ADCY8: variants seen among roughly 807,000 people sequenced by gnomAD.
ADCY8 encodes adenylate cyclase type 8.
In ADCY8, 51 loss-of-function variants were observed where a neutral mutation model predicts 119.7. That is an observed-to-expected ratio of 0.43 (90% CI 0.34 to 0.54). The LOEUF (loss-of-function observed/expected upper bound fraction) is 0.54, where lower values mean the gene tolerates loss of function less well. Ranked by LOEUF, ADCY8 falls within the 20% of genes least tolerant of loss-of-function variation. ADCY8 has a pLI of 0.03. For synonymous variants in ADCY8, 665 were observed against 651.0 expected (o/e 1.02, Z -0.33); for missense variants, 1,383 against 1,598.8 (o/e 0.87, Z 2.30).
At chr8:130,894,960 G>T (rs1377178817) in intron 7 of ADCY8, among the ~76,000 whole-genome samples, 2 of 152,096 alleles carry the variant, frequency 1.3e-5, no homozygotes, top group Non-Finnish European at 2.9e-5. Context: ...GTTATACTTG[G>T]TGGCAAAGAG....
At chr8:131,035,481 T>C (rs910071549) in intron 1 of ADCY8, among the ~76,000 whole-genome samples, 2 of 152,154 alleles carry the variant, frequency 1.3e-5, no homozygotes, top group Non-Finnish European at 2.9e-5. Context: ...TGGCAGGGAA[T>C]TTCCTGAGTG....
chr8:130,978,645 GA>G (rs1822145288), intron 2 of ADCY8, among the ~76,000 whole-genome samples: 1 of 152,122 alleles, frequency 6.6e-6, no homozygotes, highest in East Asian at 1.9e-4. Flanking sequence ...ATGAAGACAT[GA>G]CATATATAAC....
At chr8:130,933,538 C>T (rs1197620654) in intron 5 of ADCY8, among the ~76,000 whole-genome samples, 2 of 152,164 alleles carry the variant, frequency 1.3e-5, no homozygotes, top group Non-Finnish European at 2.9e-5. Flanking sequence ...TCCTTTTTAG[C>T]ATGCTTTCTT....
chr8:130,961,789 A>G (rs1821613853), intron 2 of ADCY8, among the ~76,000 whole-genome samples: 1 of 152,144 alleles, frequency 6.6e-6, no homozygotes, highest in South Asian at 2.1e-4. Flanking sequence ...AAACTTGTGA[A>G]CATACAGAAG....
intron 2 of ADCY8, among the ~76,000 whole-genome samples, chr8:130,959,792 C>A (rs2130679513): frequency 6.6e-6 from 1 of 152,258 alleles, no homozygotes; most frequent in East Asian, 1.9e-4. Context: ...GAAGAGGGCA[C>A]AGCATGTTTG....
intron 4 of ADCY8, among the ~76,000 whole-genome samples, chr8:130,938,750 T>A (rs1820867736): frequency 6.6e-6 from 1 of 152,202 alleles, no homozygotes; most frequent in African/African-American, 2.4e-5. Flanking sequence ...CCCGTCAGAT[T>A]TCTGGAGCCT....
At chr8:130,999,446 G>A (rs540823407) in intron 1 of ADCY8, among the ~76,000 whole-genome samples, 96 of 152,232 alleles carry the variant, frequency 6.3e-4, no homozygotes, top group African/African-American at 2.2e-3. Context: ...AGCACTCACA[G>A]AGCCAGCTTC....
intron 2 of ADCY8, among the ~76,000 whole-genome samples, chr8:130,975,420 C>G (rs1464865091): frequency 1.3e-5 from 2 of 152,154 alleles, no homozygotes; most frequent in East Asian, 3.8e-4. Flanking sequence ...TGTCACCATC[C>G]TGAAGAACAC....
chr8:130,998,105 C>T (rs185744695), intron 1 of ADCY8, among the ~76,000 whole-genome samples: 355 of 152,246 alleles, frequency 2.3e-3, no homozygotes, highest in Non-Finnish European at 3.8e-3. Flanking sequence ...TAATGTCCTG[C>T]TGTCATTCTA....
chr8:131,025,322 A>G (rs1367547660), intron 1 of ADCY8, among the ~76,000 whole-genome samples: 1 of 152,206 alleles, frequency 6.6e-6, no homozygotes, highest in East Asian at 1.9e-4. Context: ...TTAAAGAAGC[A>G]TCAAATCTAG....
At chr8:130,821,518 A>C (rs1221105824) in intron 12 of ADCY8, 98 bp from the exon 13 acceptor site, 1 of 855,130 alleles carries the variant, frequency 1.2e-6, no homozygotes, top group Non-Finnish European at 1.9e-6. Context: ...AAAGAAAAAA[A>C]CACACATCTT....
In ADCY8 at chr8:130,827,394, C is replaced by T. The variant is rs1452564163; in HGVS notation, c.2676-5974G>A. On this transcript the variant is annotated intron_variant, in intron 12 of 17. Coordinates refer to ENST00000286355, the MANE Select transcript of ADCY8 (RefSeq NM_001115.3). The stretch of plus-strand genomic sequence containing the variant: ...AAGATGGCACTGGTCAACTGGAAAG[C>T]CCATTTGCATAATAAGATTAGGGTG... 4.6e-5 allele frequency among the ~76,000 whole-genome samples: 7 copies of T among 152,144 alleles called. No homozygotes were observed. In the East Asian group the frequency reaches 9.6e-4, roughly 21 times the overall value.
Position 130,975,185 on chromosome 8 carries a change from A to G in ADCY8, c.1110+15208T>C, listed in dbSNP as rs1248365244. On this transcript the variant is annotated intron_variant, in intron 2 of 17. Transcript: ENST00000286355. ...TTATAATTTAATCAACACTCTCAAAAATCCTTTCTAAAATTCATCAGGCCC... is the reference window on the plus strand; with the variant it reads ...TTATAATTTAATCAACACTCTCAAAGATCCTTTCTAAAATTCATCAGGCCC... Among the ~76,000 whole-genome samples the G allele has an allele frequency of 2.0e-5, 3 of 152,270 alleles. No homozygotes were observed. In the East Asian group the frequency reaches 5.8e-4, roughly 29 times the overall value.
intron 5 of ADCY8, among the ~76,000 whole-genome samples, chr8:130,925,180 G>A (rs1023801509): frequency 2.0e-5 from 3 of 152,066 alleles, no homozygotes; most frequent in South Asian, 2.1e-4. Flanking sequence ...ACTCCAGCCC[G>A]GGTGAGCAGA....
chr8:131,035,891 G>C (rs1165963711), intron 1 of ADCY8, among the ~76,000 whole-genome samples: 1 of 152,076 alleles, frequency 6.6e-6, no homozygotes, highest in East Asian at 1.9e-4. Context: ...TGACAGATTT[G>C]TATCTAGCTA....
At chr8:130,949,965 C>G (rs1193863344) in intron 3 of ADCY8, among the ~76,000 whole-genome samples, 1 of 152,056 alleles carries the variant, frequency 6.6e-6, no homozygotes, top group East Asian at 1.9e-4. Flanking sequence ...TGGACAAGAC[C>G]CTGGGAATGA....
intron 7 of ADCY8, among the ~76,000 whole-genome samples, chr8:130,890,205 G>T (rs188181979): frequency 7.2e-6 from 1 of 138,784 alleles, no homozygotes; most frequent in African/African-American, 2.6e-5. Flanking sequence ...CTGTTGTGGG[G>T]TCAGGGGAGT....
chr8:130,867,988 G>C (rs760610820), intron 8 of ADCY8, 42 bp from the exon 9 acceptor site: 30 of 1,383,400 alleles, frequency 2.2e-5, no homozygotes, highest in Middle Eastern at 2.0e-4. Flanking sequence ...TTGCAGCAGA[G>C]TGCAGTGTTT....
intron 1 of ADCY8, among the ~76,000 whole-genome samples, chr8:131,007,405 TG>T (rs1404811974): frequency 1.3e-5 from 2 of 152,198 alleles, no homozygotes; most frequent in Non-Finnish European, 2.9e-5. Flanking sequence ...AAGAGGTTTT[TG>T]GTTGTCACAT....
Sources: gnomAD v4.1 joint callset for allele counts (sites outside exome capture counted in the v4.1 genomes callset) on GRCh38, gnomAD v4.1.1 for gene constraint, MANE v1.5 for transcripts, NCBI Gene and HGNC (gene_info 2026-07-23, HGNC 2026-07-21) for gene names.